The following CACNB4 variants were observed in gnomAD, a reference collection of about 807,000 sequenced individuals.
CACNB4 encodes voltage-dependent L-type calcium channel subunit beta-4.
CACNB4 carries 32 observed loss-of-function variants against 71.2 expected under a neutral mutation model. The observed-to-expected ratio is 0.45, with a 90% CI of 0.34 to 0.60. The LOEUF (loss-of-function observed/expected upper bound fraction) is 0.60. Ranked by LOEUF, CACNB4 falls within the 20% of genes least tolerant of loss-of-function variation. The pLI, the probability that CACNB4 is intolerant of heterozygous loss-of-function variation, is 0.01. For synonymous variants in CACNB4, 231 were observed against 236.9 expected (o/e 0.97, Z 0.23); for missense variants, 464 against 647.9 (o/e 0.72, Z 3.08).
At chr2:151,954,398 T>C (rs1246209598) in intron 2 of CACNB4, among the ~76,000 whole-genome samples, 3 of 152,246 alleles carry the variant, frequency 2.0e-5, no homozygotes, top group Non-Finnish European at 2.9e-5. Flanking sequence ...CTGTCATCCA[T>C]GGGGAAATGT....
intron 2 of CACNB4, among the ~76,000 whole-genome samples, chr2:152,009,438 T>C (rs1682931640): frequency 6.6e-6 from 1 of 152,198 alleles, no homozygotes; most frequent in South Asian, 2.1e-4. Flanking sequence ...ACTTATTTCA[T>C]AAGAACATAT....
chr2:151,865,072 G>A (rs1037131643), intron 9 of CACNB4, among the ~76,000 whole-genome samples: 3 of 152,182 alleles, frequency 2.0e-5, no homozygotes, highest in South Asian at 2.1e-4. Flanking sequence ...CTGTTTATGA[G>A]TCTGCATTTG....
In CACNB4 at chr2:152,098,289, C is replaced by T; in HGVS notation, c.147+41G>A. ...CTCCAGGACCCCCGCGCCGCGCGCT[C>T]GGCCTCCTCCCCATCCTGGTCTCCC... is the stretch of plus-strand genomic sequence containing the variant. On this transcript the variant is annotated intron_variant, in intron 2 of 13. Coordinates refer to ENST00000539935, the MANE Select transcript of CACNB4 (RefSeq NM_000726.5). This position sits in a 1 kb window ranked among gnomAD's most constrained non-coding sequence, Gnocchi z 5.3. 1 of 1,527,650 alleles carries T rather than the reference C, an allele frequency of 6.5e-7. No homozygotes were observed. The highest frequency in any genetic ancestry group is 1.7e-4 in the Middle Eastern group (1 of 5,804). 94.6% of individuals were successfully genotyped at this position (1,527,650 alleles called of 1,614,324 possible).
At chr2:152,007,784 T>TA (rs1304475862) in intron 2 of CACNB4, among the ~76,000 whole-genome samples, 7 of 152,142 alleles carry the variant, frequency 4.6e-5, no homozygotes, top group African/African-American at 1.2e-4. Context: ...ATTTTTTTTT[T>TA]TTTTTGAGAC....
intron 5 of CACNB4, among the ~76,000 whole-genome samples, chr2:151,875,462 A>G (rs1170216505): frequency 2.0e-5 from 3 of 151,758 alleles, no homozygotes; most frequent in Non-Finnish European, 4.4e-5. Flanking sequence ...TTTCTATTCC[A>G]CAAAACCGCC....
At chr2:151,900,065 A>G (rs1054831822) in intron 2 of CACNB4, among the ~76,000 whole-genome samples, 5 of 152,228 alleles carry the variant, frequency 3.3e-5, no homozygotes, top group African/African-American at 1.2e-4. Context: ...AAGCAGAATT[A>G]TCAGGAATGG....
chr2:151,902,588 G>A (rs936979637), intron 2 of CACNB4, among the ~76,000 whole-genome samples: 10 of 152,182 alleles, frequency 6.6e-5, no homozygotes, highest in Admixed American at 6.5e-4. Context: ...GAACAATGAG[G>A]AGCCTATGAT....
chr2:152,035,904 G>A lies in CACNB4; in HGVS notation c.147+62426C>T, dbSNP rs576416169. The stretch of plus-strand genomic sequence containing the variant: ...GTTCACCGCAGCATTATTCACAATA[G>A]CCAAGATGTGGAAGCAACCTAAATG... On this transcript the variant is annotated intron_variant, in intron 2 of 13. Transcript: ENST00000539935. 1.9e-4 allele frequency among the ~76,000 whole-genome samples: 29 copies of A among 152,176 alleles called. 1 individual carries two copies. The South Asian group carries it at 2.3e-3, about 12-fold the overall frequency.
At chr2:151,863,365 G>A (rs900987981) in intron 9 of CACNB4, among the ~76,000 whole-genome samples, 12 of 152,066 alleles carry the variant, frequency 7.9e-5, no homozygotes, top group Non-Finnish European at 1.2e-4. Context: ...CATGCTCAGC[G>A]ATGTGTGTTT....
chr2:151,946,353 G>C (rs2099865619), intron 2 of CACNB4, among the ~76,000 whole-genome samples: 2 of 150,398 alleles, frequency 1.3e-5, no homozygotes, highest in South Asian at 4.2e-4. Flanking sequence ...GGCTCCCAAT[G>C]AGGCTTCAGT....
chr2:151,931,314 A>G (rs1003794339), intron 2 of CACNB4, among the ~76,000 whole-genome samples: 1 of 152,212 alleles, frequency 6.6e-6, no homozygotes, highest in Non-Finnish European at 1.5e-5. Context: ...TGATATTTCT[A>G]TAGACAAACT....
intron 12 of CACNB4, among the ~76,000 whole-genome samples, chr2:151,848,998 G>T (rs2099838330): frequency 6.6e-6 from 1 of 151,950 alleles, no homozygotes; most frequent in Admixed American, 6.6e-5. Context: ...AATCAGGCTG[G>T]TCATATTAAA....
intron 2 of CACNB4, among the ~76,000 whole-genome samples, chr2:152,069,714 TAA>T (rs1319747711): frequency 1.3e-5 from 2 of 151,926 alleles, no homozygotes; most frequent in Admixed American, 6.6e-5. Flanking sequence ...AATCACATAT[TAA>T]AAAGAGCCCA....
At chr2:151,868,561 C>T (rs1419277942) in intron 9 of CACNB4, 1 of 151,834 alleles carries the variant, frequency 6.6e-6, no homozygotes, top group East Asian at 1.9e-4. Flanking sequence ...AATGCCTGAG[C>T]CATATTGTTG....
At chr2:151,961,543 C>T (rs6433727) in intron 2 of CACNB4, among the ~76,000 whole-genome samples, 73,792 of 152,014 alleles carry the variant, frequency 0.49, 20,639 homozygotes, top group Non-Finnish European at 0.64. Context: ...CAAAGGAAGA[C>T]GACCAACAAC....
intron 2 of CACNB4, among the ~76,000 whole-genome samples, chr2:151,933,075 G>A (rs2099862030): frequency 1.3e-5 from 2 of 151,462 alleles, no homozygotes; most frequent in South Asian, 2.1e-4. Context: ...ATAAATTTCT[G>A]TTTTCAAAAC....
At chr2:151,966,642 T>C (rs972125438) in intron 2 of CACNB4, among the ~76,000 whole-genome samples, 106 of 152,146 alleles carry the variant, frequency 7.0e-4, no homozygotes, top group Non-Finnish European at 1.6e-4. Context: ...AATGAACTAA[T>C]CATAAGGCCT....
intron 2 of CACNB4, among the ~76,000 whole-genome samples, chr2:151,933,414 T>C (rs1303388144): frequency 6.6e-6 from 1 of 152,076 alleles, no homozygotes; most frequent in Non-Finnish European, 1.5e-5. Context: ...ATTTACTAAA[T>C]AATCAACATT....
intron 2 of CACNB4, chr2:151,971,434 G>C: frequency 1.4e-6 from 1 of 698,490 alleles, no homozygotes; most frequent in Non-Finnish European, 2.6e-6. Flanking sequence ...AGCTTTTAGT[G>C]CCTATATATT....
Sources: gnomAD v4.1 joint callset for allele counts (sites outside exome capture counted in the v4.1 genomes callset) on GRCh38, gnomAD v4.1.1 for gene constraint, Gnocchi (gnomAD v3.1) non-coding constraint, MANE v1.5 for transcripts, NCBI Gene and HGNC (gene_info 2026-07-23, HGNC 2026-07-21) for gene names.